The following MYPN variants were observed in gnomAD, a reference collection of about 807,000 sequenced individuals.
MYPN encodes sarcomeric protein myopalladin, 145 kDa (MYOP).
A neutral mutation model predicts 129.4 loss-of-function variants in MYPN; 63 were observed. The ratio of observed to expected loss-of-function variants is 0.49; its 90% CI spans 0.40 to 0.60. The LOEUF (loss-of-function observed/expected upper bound fraction) is 0.60, where lower values mean the gene tolerates loss of function less well. MYPN is among the 20% of genes least tolerant of loss of function. The pLI is 0.00. For synonymous variants in MYPN, 629 were observed against 600.9 expected, an observed-to-expected ratio of 1.05 and a Z score of -0.68; for missense variants, 1,596 against 1,635.4, an observed-to-expected ratio of 0.98 and a Z score of 0.42.
At position 68,150,098 on chromosome 10, in the gene MYPN, C is replaced by T. The variant is rs1416910479; in HGVS notation, c.1304C>T (p.Pro435Leu). 6.2e-7 allele frequency: 1 copy of T among 1,613,536 alleles called. No homozygotes were observed. Among genetic ancestry groups the T allele is most frequent in the South Asian group, 1.1e-5 (1 of 91,058 alleles). The change falls in exon 6 of 20, where the codon CCT (proline) becomes CTT (leucine). Residue 435 changes from proline to leucine, a missense_variant. Pro to Leu is a moderately conservative substitution (Grantham distance 98, BLOSUM62 -3). Coordinates refer to ENST00000358913, the MANE Select transcript of MYPN (RefSeq NM_032578.4). ...GATGGAAAACCTATCATTGCAGCTC[C>T]TGTGTTTACAAAGGTAATAAAAATA... The part of the protein sequence containing the change: ...GLDGKPIIAA[P>L]VFTKMLQNLS...
chr10:68,136,516 T>G, intron 2 of MYPN: 1 of 1,391,520 alleles, frequency 7.2e-7, no homozygotes. Flanking sequence ...TAATACCTTT[T>G]CAGAAGCCAG....
intron 13 of MYPN, among the ~76,000 whole-genome samples, chr10:68,192,193 GT>G (rs1236340015): frequency 6.6e-6 from 1 of 152,092 alleles, no homozygotes; most frequent in African/African-American, 2.4e-5. Context: ...TTTGTTGAGG[GT>G]TTTTTATTAT....
In MYPN at chr10:68,121,912, T is replaced by C; in HGVS notation, c.474T>C (p.Ile158=). The change falls in exon 2 of 20, where the codon ATT becomes ATC. Residue 158 remains isoleucine, a synonymous_variant. Transcript: ENST00000358913. Reference sequence around the variant, plus strand: ...TTTTAAATAAGGCTGCCGACTTCATTGAAGAGCTATCCTCCCTTTTCAAAT... The same window carrying C: ...TTTTAAATAAGGCTGCCGACTTCATCGAAGAGCTATCCTCCCTTTTCAAAT... ...KVFLNKAADF[I]EELSSLFKSH... 6.2e-7 allele frequency: 1 copy of C among 1,614,226 alleles called. No homozygotes were observed. The highest frequency in any genetic ancestry group is 1.1e-5 in the South Asian group (1 of 91,090).
At chr10:68,110,097 A>T (rs549045318) in intron 1 of MYPN, among the ~76,000 whole-genome samples, 185 of 152,362 alleles carry the variant, frequency 1.2e-3, no homozygotes, top group Non-Finnish European at 2.2e-3. Flanking sequence ...TTGAATCTAA[A>T]ATAATATGCC....
Position 68,126,595 on chromosome 10 carries a change from C to A in MYPN, c.902+4255C>A, listed in dbSNP as rs148735364. Among the ~76,000 whole-genome samples the A allele has an allele frequency of 5.9e-5, 9 of 152,138 alleles. No homozygotes were observed. In the South Asian group the frequency reaches 1.9e-3, roughly 32 times the overall value. On this transcript the variant is annotated intron_variant, in intron 2 of 19. Coordinates refer to ENST00000358913, the MANE Select transcript of MYPN (RefSeq NM_032578.4). ...TAGGAACGAGGAGGAAGGATGTCAG[C>A]GAGCAATGTTTAGAAGAAAAGAAAT...
At position 68,109,584 on chromosome 10, in the gene MYPN, C is replaced by T. The variant is rs1021869738; in HGVS notation, c.-141C>T. ...AGGTTAACTCCTCACTCTCTATGGACGGCTACTCTCTATTTCCAAGGGCGT... is the reference window on the plus strand; with the variant it reads ...AGGTTAACTCCTCACTCTCTATGGATGGCTACTCTCTATTTCCAAGGGCGT... On this transcript the variant is annotated 5_prime_UTR_variant, in exon 1 of 20. It adds an upstream start codon to the 5' untranslated region. Coordinates refer to ENST00000358913, the MANE Select transcript of MYPN (RefSeq NM_032578.4). The T allele has an allele frequency of 8.8e-5, 40 of 453,962 alleles. No homozygotes were observed. Among genetic ancestry groups the T allele is most frequent in the Admixed American group, 1.6e-4 (7 of 42,548 alleles). The allele number at this position is 453,962 out of a possible 1,614,324, so 28.1% of individuals were successfully genotyped here.
chr10:68,197,221 C>T, intron 15 of MYPN, 131 bp from the exon 16 acceptor site: 2 of 862,088 alleles, frequency 2.3e-6, no homozygotes, highest in Non-Finnish European at 3.6e-6. Context: ...TGTTTATAGT[C>T]CAGCCTCCCC....
chr10:68,174,321 G>C lies in MYPN; in HGVS notation c.2229G>C (p.Pro743=), dbSNP rs148360410. 3.8e-5 allele frequency: 61 copies of C among 1,613,912 alleles called. No individual in the cohort carries two copies. Among genetic ancestry groups the C allele is most frequent in the Non-Finnish European group, 5.0e-5 (59 of 1,180,036 alleles). ...CAACTGTGGCCCCTTCCAGCTCTCCGGTGTTCACTTTGAGCAGCACTCCTC... is the reference window on the plus strand; with the variant it reads ...CAACTGTGGCCCCTTCCAGCTCTCCCGTGTTCACTTTGAGCAGCACTCCTC... The part of the protein sequence containing the change: ...TAATVAPSSS[P]VFTLSSTPQT... Residue 743 remains proline, a synonymous_variant, in exon 11 of 20, where the codon CCG becomes CCC. Coordinates refer to ENST00000358913, the MANE Select transcript of MYPN (RefSeq NM_032578.4).
upstream of MYPN, among the ~76,000 whole-genome samples, chr10:68,102,303 A>AT (rs1285772577): frequency 6.6e-6 from 1 of 151,338 alleles, no homozygotes; most frequent in Non-Finnish European, 1.5e-5. Context: ...TATTTTTTAA[A>AT]TTTTTTATAG....
intron 7 of MYPN, among the ~76,000 whole-genome samples, chr10:68,160,724 C>G (rs2042962352): frequency 6.6e-6 from 1 of 152,058 alleles, no homozygotes. Context: ...TGAGACCAGC[C>G]TGGCCAACAT....
chr10:68,109,298 A>C (rs1424154031), upstream of MYPN: 2 of 277,140 alleles, frequency 7.2e-6, no homozygotes, highest in Admixed American at 4.2e-5. Context: ...GTTCATTCCA[A>C]ACGTCAATCA....
In MYPN at chr10:68,143,024, G is replaced by T. The variant is rs199931312; in HGVS notation, c.987G>T (p.Ala329=). 5 of 1,614,082 alleles carry T rather than the reference G, an allele frequency of 3.1e-6. No homozygotes were observed. In the South Asian group the frequency reaches 5.5e-5, roughly 18 times the overall value. Residue 329 remains alanine, a synonymous_variant, in exon 3 of 20, where the codon GCG becomes GCT. Coordinates refer to ENST00000358913, the MANE Select transcript of MYPN (RefSeq NM_032578.4). ...QAGNLHSLTI[A]EAFEEDTGRY... ...GAAATCTGCACTCACTGACCATTGCGGAAGCCTTTGAAGAGGACACAGGAC... is the reference window on the plus strand; with the variant it reads ...GAAATCTGCACTCACTGACCATTGCTGAAGCCTTTGAAGAGGACACAGGAC...
At chr10:68,154,617 C>T (rs1262739481) in intron 6 of MYPN, among the ~76,000 whole-genome samples, 1 of 152,206 alleles carries the variant, frequency 6.6e-6, no homozygotes, top group African/African-American at 2.4e-5. Context: ...CCACTTTGAT[C>T]CAACTCCATC....
At chr10:68,143,767 G>A (rs546687012) in intron 3 of MYPN, among the ~76,000 whole-genome samples, 1 of 152,014 alleles carries the variant, frequency 6.6e-6, no homozygotes, top group Admixed American at 6.6e-5. Context: ...GTTTTGTTTT[G>A]TTTTTAAGAC....
At chr10:68,152,825 G>A (rs61857530) in intron 6 of MYPN, among the ~76,000 whole-genome samples, 23,110 of 151,354 alleles carry the variant, frequency 0.15, 1,913 homozygotes, top group Middle Eastern at 0.22. Context: ...TTTAGTAGAC[G>A]TGAGGTTTCA....
intron 1 of MYPN, among the ~76,000 whole-genome samples, chr10:68,118,423 G>A (rs1469427120): frequency 6.6e-6 from 1 of 152,178 alleles, no homozygotes; most frequent in Non-Finnish European, 1.5e-5. Context: ...ATTGTTACGA[G>A]ATGAAGCAGA....
intron 2 of MYPN, 96 bp from the exon 3 acceptor site, chr10:68,142,844 C>A: frequency 8.4e-7 from 1 of 1,192,408 alleles, no homozygotes; most frequent in Non-Finnish European, 1.3e-6. Flanking sequence ...GTTGTTCTGA[C>A]TTCAAATGAA....
intron 12 of MYPN, among the ~76,000 whole-genome samples, chr10:68,188,592 A>G (rs1006660683): frequency 1.3e-5 from 2 of 152,196 alleles, no homozygotes; most frequent in Non-Finnish European, 2.9e-5. Flanking sequence ...AGTTTTCCAT[A>G]TTGAAAGGAA....
At chr10:68,094,345 A>G (rs2041945460) in intron 1 of MYPN, among the ~76,000 whole-genome samples, 1 of 151,404 alleles carries the variant, frequency 6.6e-6, no homozygotes, top group African/African-American at 2.4e-5. Flanking sequence ...GCTCACTGCA[A>G]CCTCTGCCTC....
Sources: gnomAD v4.1 joint callset for allele counts (sites outside exome capture counted in the v4.1 genomes callset) on GRCh38, gnomAD v4.1.1 for gene constraint, MANE v1.5 for transcripts, NCBI Gene and HGNC (gene_info 2026-07-23, HGNC 2026-07-21) for gene names.